MS4A6A: variants seen among roughly 807,000 people sequenced by gnomAD.
MS4A6A encodes the protein membrane spanning 4-domains A6A.
MS4A6A carries 19 observed loss-of-function variants against 20.6 expected under a neutral mutation model. The ratio of observed to expected loss-of-function variants is 0.92; its 90% CI spans 0.64 to 1.36. MS4A6A has a LOEUF of 1.36. MS4A6A is among the 40% of genes most tolerant of loss of function. MS4A6A has a pLI of 0.00. For missense variants in MS4A6A, 272 were observed against 261.1 expected (o/e 1.04, Z -0.29); for synonymous variants, 108 against 105.0 (o/e 1.03, Z -0.17).
chr11:60,179,800 C>T (rs2134798431), intron 3 of MS4A6A, 31 bp downstream of exon 3: 1 of 1,613,728 alleles, frequency 6.2e-7, no homozygotes, highest in Admixed American at 1.7e-5. Context: ...CCTCTTTGCC[C>T]CATCCTGCCC....
Position 60,175,574 on chromosome 11 carries a change from A to G in MS4A6A, c.377T>C (p.Leu126Pro), listed in dbSNP as rs1856794380. ...GATAATGAAACCCACCAGGGCAGAC[A>G]GAGCACTCAGAATGCTTCCAACCAG... is the stretch of plus-strand genomic sequence containing the variant. Reference protein sequence around the residue: ...SSLVGSILSALSALVGFIILS... With the variant: ...SSLVGSILSAPSALVGFIILS... Residue 126 changes from leucine (L) to proline (P), a missense_variant, in exon 5 of 6, where the codon CTG (leucine) becomes CCG (proline). Transcript: ENST00000528851. 1 of 1,613,788 alleles carries G rather than the reference A, an allele frequency of 6.2e-7. No homozygotes were observed. The highest frequency in any genetic ancestry group is 1.1e-5 in the South Asian group (1 of 91,080).
At chr11:60,173,594 A>G (rs558514765) in intron 5 of MS4A6A, among the ~76,000 whole-genome samples, 2 of 152,318 alleles carry the variant, frequency 1.3e-5, no homozygotes, top group Admixed American at 6.5e-5. Flanking sequence ...CTTTCTCAGA[A>G]ATTTGTAAGG....
chr11:60,172,831 C>A lies in MS4A6A; in HGVS notation c.*170G>T. ...TCTCATGATTAACTATTTTCATATCCAGTGAATTTTCAGCTTATCAGCTAC... is the reference window on the plus strand; with the variant it reads ...TCTCATGATTAACTATTTTCATATCAAGTGAATTTTCAGCTTATCAGCTAC... On this transcript the variant is annotated 3_prime_UTR_variant, in exon 6 of 6. Coordinates refer to ENST00000528851, the MANE Select transcript of MS4A6A (RefSeq NM_022349.4). 1 of 1,408,658 alleles carries A rather than the reference C, an allele frequency of 7.1e-7. No individual in the cohort carries two copies. Among genetic ancestry groups the A allele is most frequent in the Non-Finnish European group, 9.3e-7 (1 of 1,078,342 alleles). 87.3% of individuals were successfully genotyped at this position (1,408,658 alleles called of 1,614,324 possible).
upstream of MS4A6A, chr11:60,183,852 G>C (rs945793190): frequency 6.6e-6 from 1 of 152,366 alleles, no homozygotes; most frequent in Non-Finnish European, 1.5e-5. Flanking sequence ...GAAAGATTCA[G>C]CAGGACCTAA....
upstream of MS4A6A, chr11:60,183,222 T>C: frequency 6.6e-7 from 1 of 1,523,604 alleles, no homozygotes; most frequent in East Asian, 2.4e-5. Flanking sequence ...AGCCAACTAA[T>C]ATTTGTGAGA....
At chr11:60,179,725 G>T in intron 3 of MS4A6A, 106 bp downstream of exon 3, 1 of 1,321,696 alleles carries the variant, frequency 7.6e-7, no homozygotes, top group Non-Finnish European at 1.1e-6. Context: ...TTGACTCCTT[G>T]CTCCTGGCAG....
Position 60,172,990 on chromosome 11 carries a change from A to T in MS4A6A, c.*11T>A. The T allele has an allele frequency of 6.2e-7, 1 of 1,613,866 alleles. No homozygotes were observed. Among genetic ancestry groups the T allele is most frequent in the Non-Finnish European group, 8.5e-7 (1 of 1,179,838 alleles). On this transcript the variant is annotated 3_prime_UTR_variant, in exon 6 of 6. Coordinates refer to ENST00000528851, the MANE Select transcript of MS4A6A (RefSeq NM_022349.4). ...TCAACACAGTGCAGGGATAAGATAC[A>T]CTAGGCAAGGTTAAGTGAAGCCGGC...
chr11:60,173,044 T>G lies in MS4A6A; in HGVS notation c.635A>C (p.Tyr212Ser), dbSNP rs769727174. The change falls in exon 6 of 6, where the codon TAC (tyrosine) becomes TCC (serine). Residue 212 changes from tyrosine to serine, a missense_variant. Tyr to Ser is a moderately radical substitution (Grantham distance 144). Coordinates refer to ENST00000528851, the MANE Select transcript of MS4A6A (RefSeq NM_022349.4). ...CACACTCACCCCAGGGAAGTCAGAG[T>G]AAGCCTGTTTCCACCGCAGCACAGC... ...LTAVLRWKQA[Y>S]SDFPGVSVLA... The G allele has an allele frequency of 1.2e-6, 2 of 1,614,056 alleles. No individual in the cohort carries two copies. Among genetic ancestry groups the G allele is most frequent in the Non-Finnish European group, 8.5e-7 (1 of 1,179,982 alleles).
At chr11:60,171,650 C>T (rs186029806), downstream of MS4A6A, among the ~76,000 whole-genome samples, 165 of 152,198 alleles carry the variant, frequency 1.1e-3, no homozygotes, top group Non-Finnish European at 1.9e-3. Context: ...TTTCATATAC[C>T]CTGAGACTTC....
chr11:60,175,282 G>T (rs1222820642), intron 5 of MS4A6A, 120 bp downstream of exon 5: 2 of 734,444 alleles, frequency 2.7e-6, no homozygotes, highest in Non-Finnish European at 4.4e-6. Context: ...ACATAAACCT[G>T]GCTTTCCCCC....
At chr11:60,180,601 AG>A (rs1350203049) in intron 2 of MS4A6A, 2 of 160,828 alleles carry the variant, frequency 1.2e-5, no homozygotes, top group Non-Finnish European at 2.7e-5. Context: ...CCAGGTATTA[AG>A]CCTAGTATCC....
At chr11:60,181,116 C>T (rs944498810) in intron 2 of MS4A6A, 17 of 448,344 alleles carry the variant, frequency 3.8e-5, no homozygotes, top group African/African-American at 3.4e-4. Context: ...GAGAAACAGA[C>T]AAACAAAAGG....
At chr11:60,176,820 G>A (rs772003581) in intron 4 of MS4A6A, among the ~76,000 whole-genome samples, 1 of 152,020 alleles carries the variant, frequency 6.6e-6, no homozygotes, top group African/African-American at 2.4e-5. Context: ...AGTAGAACTC[G>A]CTAAAGCCTC....
At chr11:60,174,959 T>C (rs1294247755) in intron 5 of MS4A6A, among the ~76,000 whole-genome samples, 1 of 152,022 alleles carries the variant, frequency 6.6e-6, no homozygotes, top group Non-Finnish European at 1.5e-5. Context: ...CTCTTTTTCT[T>C]AGTACTGAAT....
At position 60,173,066 on chromosome 11, in the gene MS4A6A, C is replaced by A. The variant is rs1204184637; in HGVS notation, c.613G>T (p.Val205Leu). 2.5e-6 allele frequency: 4 copies of A among 1,613,982 alleles called. No homozygotes were observed. Among genetic ancestry groups the A allele is most frequent in the Non-Finnish European group, 3.4e-6 (4 of 1,179,984 alleles). Residue 205 changes from valine (V) to leucine (L), a missense_variant, in exon 6 of 6, where the codon GTG (valine) becomes TTG (leucine). Physicochemically the swap from Val to Leu is conservative, Grantham distance 32. Coordinates refer to ENST00000528851, the MANE Select transcript of MS4A6A (RefSeq NM_022349.4). ...GAGTAAGCCTGTTTCCACCGCAGCACAGCAGTGAGCACAGCTAGGCAGAAT... is the reference window on the plus strand; with the variant it reads ...GAGTAAGCCTGTTTCCACCGCAGCAAAGCAGTGAGCACAGCTAGGCAGAAT... ...LEFCLAVLTA[V>L]LRWKQAYSDF...
chr11:60,173,890 G>A (rs944337637), intron 5 of MS4A6A, among the ~76,000 whole-genome samples: 4 of 152,034 alleles, frequency 2.6e-5, no homozygotes, highest in African/African-American at 9.7e-5. Context: ...GATAATAAAC[G>A]GAAATAATTT....
chr11:60,175,711 C>T (rs1489243996), intron 4 of MS4A6A, 100 bp from the exon 5 acceptor site: 1 of 1,276,608 alleles, frequency 7.8e-7, no homozygotes, highest in Admixed American at 2.0e-5. Flanking sequence ...TCTGTCCCCT[C>T]AGGAGGTCTG....
chr11:60,175,459 G>C lies in MS4A6A; in HGVS notation c.492C>G (p.Tyr164Ter), dbSNP rs756232802. 1.2e-6 allele frequency: 2 copies of C among 1,614,164 alleles called. No individual in the cohort carries two copies. The highest frequency in any genetic ancestry group is 3.3e-5 in the Admixed American group (2 of 60,020). ...TGGTATAAAGTGAATCATGATAAAA[G>C]TAAGAAACATAACTTCTTGTTGGTA... ...NNIPTRSYVS[Y>*]FYHDSLYTTD... Residue 164 changes from tyrosine (Y) to a stop codon, truncating the protein, a stop_gained, in exon 5 of 6, where the codon TAC becomes TAG. Transcript: ENST00000528851. LOFTEE classifies it high-confidence loss of function.
upstream of MS4A6A, chr11:60,183,213 G>A: frequency 6.5e-7 from 1 of 1,530,378 alleles, no homozygotes; most frequent in East Asian, 2.4e-5. Context: ...CATGAAAAGA[G>A]CCAACTAATA....
Sources: allele counts gnomAD v4.1 joint callset (sites outside exome capture counted in the v4.1 genomes callset), GRCh38; gene constraint gnomAD v4.1.1; transcripts MANE v1.5; gene names NCBI Gene and HGNC (gene_info 2026-07-23, HGNC 2026-07-21).